ITGA8: variants seen among roughly 807,000 people sequenced by gnomAD.
ITGA8 encodes integrin subunit alpha 8.
Under a neutral mutation model 142.3 loss-of-function variants are expected in ITGA8, and 91 were observed. The observed-to-expected ratio is 0.64, with a 90% CI of 0.54 to 0.76. ITGA8 has a LOEUF of 0.76. ITGA8 is among the 30% of genes least tolerant of loss of function. ITGA8 has a pLI of 0.00. For missense variants in ITGA8, 1,406 were observed against 1,327.7 expected (o/e 1.06, Z -0.92); for synonymous variants, 505 against 485.2 (o/e 1.04, Z -0.54).
chr10:15,556,669 T>C (rs1046498653), intron 26 of ITGA8, among the ~76,000 whole-genome samples: 3 of 152,200 alleles, frequency 2.0e-5, no homozygotes, highest in African/African-American at 7.2e-5. Flanking sequence ...GTAAATGAGG[T>C]ACCAGCACCT....
chr10:15,597,685 A>G (rs560288068), intron 20 of ITGA8, among the ~76,000 whole-genome samples: 1 of 152,322 alleles, frequency 6.6e-6, no homozygotes, highest in Non-Finnish European at 1.5e-5. Flanking sequence ...AAATGATCAT[A>G]ATGTGTATAG....
rs959067150 is a variant in ITGA8, at chr10:15,531,663, C to T, written c.2881-512G>A. On this transcript the variant is annotated intron_variant, in intron 27 of 29. Coordinates refer to ENST00000378076, the MANE Select transcript of ITGA8 (RefSeq NM_003638.3). ...GTTATAAAGAAATGTATTGGCTGGG[C>T]GCAGTGGCTCATGCCTGTAATCCCA... Among the ~76,000 whole-genome samples the T allele has an allele frequency of 7.2e-5, 11 of 152,058 alleles. No homozygotes were observed. In the East Asian group the frequency reaches 9.6e-4, roughly 13 times the overall value.
intron 2 of ITGA8, among the ~76,000 whole-genome samples, chr10:15,694,190 T>TCAG (rs1834989022): frequency 7.1e-6 from 1 of 141,764 alleles, no homozygotes; most frequent in African/African-American, 2.6e-5. Context: ...ATATCATATA[T>TCAG]ATGATAATAT....
chr10:15,675,328 A>G (rs1834606804), intron 6 of ITGA8, among the ~76,000 whole-genome samples: 1 of 152,152 alleles, frequency 6.6e-6, no homozygotes, highest in South Asian at 2.1e-4. Context: ...TCTGTATCTC[A>G]GTGAGCGGCA....
chr10:15,594,122 G>C (rs1202789483), intron 21 of ITGA8, among the ~76,000 whole-genome samples: 1 of 152,028 alleles, frequency 6.6e-6, no homozygotes, highest in Non-Finnish European at 1.5e-5. Context: ...TTACAGGTGT[G>C]AGCCAAAGGG....
chr10:15,698,652 C>G (rs192631580), intron 2 of ITGA8, among the ~76,000 whole-genome samples: 8 of 152,246 alleles, frequency 5.3e-5, no homozygotes, highest in African/African-American at 1.9e-4. Context: ...TTGCATTTCC[C>G]TGATCATTAG....
At chr10:15,704,024 A>G (rs997328982) in intron 2 of ITGA8, among the ~76,000 whole-genome samples, 2 of 152,144 alleles carry the variant, frequency 1.3e-5, no homozygotes, top group Non-Finnish European at 2.9e-5. Context: ...CACTATTTTT[A>G]CCTAATATAA....
chr10:15,695,299 T>G (rs1298859619), intron 2 of ITGA8, among the ~76,000 whole-genome samples: 1 of 152,170 alleles, frequency 6.6e-6, no homozygotes, highest in Non-Finnish European at 1.5e-5. Flanking sequence ...ATCTGGTGTG[T>G]CCTCCTCTCA....
intron 13 of ITGA8, among the ~76,000 whole-genome samples, chr10:15,627,584 G>T (rs1403940437): frequency 1.3e-5 from 2 of 152,300 alleles, no homozygotes; most frequent in South Asian, 2.1e-4. Flanking sequence ...CAAAAGAGAT[G>T]AAAGAGGCCT....
intron 28 of ITGA8, among the ~76,000 whole-genome samples, chr10:15,530,510 C>T (rs1367796245): frequency 7.3e-6 from 1 of 136,236 alleles, no homozygotes; most frequent in Non-Finnish European, 1.5e-5. Context: ...CGTGCCCCTG[C>T]ACTCCAACCT....
chr10:15,608,302 A>G lies in ITGA8; in HGVS notation c.1554-12T>C, dbSNP rs944887575. On this transcript the variant is annotated splice_polypyrimidine_tract_variant and intron_variant, in intron 15 of 29. Transcript: ENST00000378076. ...CTCTTAAAGAAAAGCTATAGAAAATAGTAGTAATTTATTGGTTAATAAAGT... is the reference window on the plus strand; with the variant it reads ...CTCTTAAAGAAAAGCTATAGAAAATGGTAGTAATTTATTGGTTAATAAAGT... The G allele has an allele frequency of 9.0e-6, 14 of 1,563,268 alleles. No homozygotes were observed. The highest frequency in any genetic ancestry group is 1.2e-5 in the Non-Finnish European group (14 of 1,150,332).
chr10:15,536,666 G>A (rs1833445223), intron 27 of ITGA8, among the ~76,000 whole-genome samples: 1 of 152,142 alleles, frequency 6.6e-6, no homozygotes, highest in Admixed American at 6.5e-5. Context: ...GCAACAATGA[G>A]GACCTTCGTC....
At chr10:15,645,117 A>T (rs1833955968) in intron 12 of ITGA8, among the ~76,000 whole-genome samples, 1 of 149,724 alleles carries the variant, frequency 6.7e-6, no homozygotes, top group African/African-American at 2.5e-5. Context: ...AAAAAAAAAA[A>T]GATGATCTAA....
intron 26 of ITGA8, among the ~76,000 whole-genome samples, chr10:15,552,913 A>T (rs1321072063): frequency 6.6e-6 from 1 of 152,250 alleles, no homozygotes; most frequent in African/African-American, 2.4e-5. Context: ...TAAAAGGAAT[A>T]GTATATGGAT....
chr10:15,589,580 G>A (rs1399975292), intron 22 of ITGA8, among the ~76,000 whole-genome samples: 7 of 152,124 alleles, frequency 4.6e-5, no homozygotes, highest in Admixed American at 3.3e-4. Context: ...GCCTGTAAGA[G>A]TTTAGACTTC....
Position 15,678,709 on chromosome 10 carries a change from C to A in ITGA8, c.630+13G>T. ...GATTAAATATTAGGAACTGCGAGAC[C>A]AAAATAATTCACCTTATAAAAATCC... On this transcript the variant is annotated intron_variant, in intron 5 of 29. Transcript: ENST00000378076. The A allele has an allele frequency of 1.3e-6, 2 of 1,597,292 alleles. No individual in the cohort carries two copies. The highest frequency in any genetic ancestry group is 1.7e-6 in the Non-Finnish European group (2 of 1,166,032).
At chr10:15,614,638 C>A (rs371712015) in intron 14 of ITGA8, among the ~76,000 whole-genome samples, 2 of 152,056 alleles carry the variant, frequency 1.3e-5, no homozygotes, top group Non-Finnish European at 2.9e-5. Context: ...AAGATATGAT[C>A]GTTGGAAGCC....
At chr10:15,686,680 G>T (rs1415533845) in intron 3 of ITGA8, among the ~76,000 whole-genome samples, 1 of 152,146 alleles carries the variant, frequency 6.6e-6, no homozygotes, top group Admixed American at 6.5e-5. Context: ...ATATAGGAAA[G>T]AATTTAAATG....
intron 25 of ITGA8, among the ~76,000 whole-genome samples, chr10:15,563,135 C>T (rs908621629): frequency 3.5e-5 from 5 of 143,958 alleles, no homozygotes; most frequent in African/African-American, 1.3e-4. Context: ...TGAGTAAAAG[C>T]TCCTTCAGGC....
Sources: allele counts gnomAD v4.1 joint callset (sites outside exome capture counted in the v4.1 genomes callset), GRCh38; gene constraint gnomAD v4.1.1; transcripts MANE v1.5; gene names NCBI Gene and HGNC (gene_info 2026-07-23, HGNC 2026-07-21).